The following DNAJB1 variants were observed in gnomAD, a reference collection of about 807,000 sequenced individuals.
The protein encoded by DNAJB1 is dnaJ homolog subfamily B member 1.
DNAJB1 carries 14 observed loss-of-function variants against 24.0 expected under a neutral mutation model. That is an observed-to-expected ratio of 0.58 (90% confidence interval 0.39 to 0.91). The LOEUF (loss-of-function observed/expected upper bound fraction) is 0.91, where lower values mean the gene tolerates loss of function less well. Ranked by LOEUF, DNAJB1 falls within the 40% of genes least tolerant of loss-of-function variation. The pLI is 0.00. For synonymous variants in DNAJB1, 262 were observed against 174.4 expected (o/e 1.50, Z -3.96); for missense variants, 517 against 458.1 (o/e 1.13, Z -1.17).
At chr19:14,522,344 G>A (rs2072369557), upstream of DNAJB1, among the ~76,000 whole-genome samples, 1 of 151,920 alleles carries the variant, frequency 6.6e-6, no homozygotes, top group African/African-American at 2.4e-5. Flanking sequence ...CTGAGGCCGG[G>A]TGTGGTGGGT....
In DNAJB1 at chr19:14,516,039, G is replaced by A. The variant is rs755798125; in HGVS notation, c.924C>T (p.Pro308=). The change falls in exon 3 of 3, where the codon CCC becomes CCT. Residue 308 remains proline, a synonymous_variant. Transcript: ENST00000254322. ...PGEGLPLPKT[P]EKRGDLIIEF... ...CAATAATGAGGTCCCCACGTTTCTCGGGTGTTTTGGGGAGGGGGAGGCCTT... is the reference window on the plus strand; with the variant it reads ...CAATAATGAGGTCCCCACGTTTCTCAGGTGTTTTGGGGAGGGGGAGGCCTT... 6.2e-6 allele frequency: 10 copies of A among 1,612,954 alleles called. No individual in the cohort carries two copies. The highest frequency in any genetic ancestry group is 7.6e-6 in the Non-Finnish European group (9 of 1,179,658).
intron 1 of DNAJB1, among the ~76,000 whole-genome samples, chr19:14,544,738 T>G (rs2073243908): frequency 6.6e-6 from 1 of 151,618 alleles, no homozygotes; most frequent in African/African-American, 2.4e-5. Context: ...GTTCAAGGGA[T>G]TCTTGTGCCC....
At chr19:14,517,612 C>T (rs1261737260) in intron 1 of DNAJB1, 1 of 154,812 alleles carries the variant, frequency 6.5e-6, no homozygotes, top group Non-Finnish European at 1.4e-5. Context: ...GCCCCGCTCT[C>T]CGGACCTGGG....
intron 2 of DNAJB1, among the ~76,000 whole-genome samples, chr19:14,524,275 T>C (rs1001674017): frequency 1.3e-5 from 2 of 152,052 alleles, no homozygotes; most frequent in East Asian, 3.9e-4. Flanking sequence ...ACATCTGTAA[T>C]CCCAGCACTT....
chr19:14,529,278 C>T (rs548364573), exon 1 of DNAJB1: 7 of 340,446 alleles, frequency 2.1e-5, no homozygotes, highest in South Asian at 1.9e-4. Flanking sequence ...AACTTCTTAC[C>T]CCGCCCCCGC....
chr19:14,537,975 ACCTCAGGTGATCCGCCCAACTTGG>A (rs1048923223), intron 1 of DNAJB1, among the ~76,000 whole-genome samples: 2 of 151,738 alleles, frequency 1.3e-5, no homozygotes, highest in Non-Finnish European at 2.9e-5. Context: ...GAAACTCTTG[ACCTCAGGTGATCCGCCCAACTTGG>A]CCTCCCAAAG....
chr19:14,518,298 C>A lies in DNAJB1; in HGVS notation c.52G>T (p.Glu18Ter), dbSNP rs768130288. Residue 18 changes from glutamate (E) to a stop codon, truncating the protein, a stop_gained, in exon 1 of 3, where the codon GAG becomes TAG. Transcript: ENST00000254322. LOFTEE classifies it high-confidence loss of function. ...TLGLARGASD[E>*]EIKRAYRRQA... ...CGGCGGTAGGCCCGCTTGATCTCCT[C>A]GTCCGACGCGCCGCGGGCCAGGCCC... The A allele has an allele frequency of 3.1e-6, 5 of 1,608,462 alleles. No homozygotes were observed. Among genetic ancestry groups the A allele is most frequent in the Non-Finnish European group, 3.4e-6 (4 of 1,178,856 alleles).
intron 1 of DNAJB1, among the ~76,000 whole-genome samples, chr19:14,543,740 A>G (rs1303442635): frequency 5.9e-5 from 8 of 136,400 alleles, no homozygotes; most frequent in Non-Finnish European, 1.2e-4. Context: ...GCCCGGCTAT[A>G]TATATATTTT....
chr19:14,528,653 AG>A (rs757054820), intron 1 of DNAJB1, among the ~76,000 whole-genome samples: 309 of 150,906 alleles, frequency 2.0e-3, no homozygotes, highest in Middle Eastern at 3.4e-3. Context: ...CAAAGTGTGG[AG>A]GGGGGCCGGG....
rs903410516 is a variant in DNAJB1, at chr19:14,559,855, C to A, written c.-2166+176G>T. ...AGTATGGAGAGGTCTCCTGCTCCCC[C>A]CAGAGCCTTTCAGTCCTCTCTCTAG... On this transcript the variant is annotated intron_variant, in intron 1 of 5. Transcript: ENST00000679223. Among the ~76,000 whole-genome samples the A allele has an allele frequency of 2.6e-5, 4 of 152,282 alleles. No individual in the cohort carries two copies. The South Asian group carries it at 8.3e-4, about 32-fold the overall frequency.
chr19:14,548,649 C>T (rs533040734), intron 1 of DNAJB1, among the ~76,000 whole-genome samples: 3 of 152,120 alleles, frequency 2.0e-5, no homozygotes, highest in Non-Finnish European at 1.5e-5. Flanking sequence ...GCGATCTCGA[C>T]TCACTGCAAC....
At chr19:14,543,075 A>G (rs973497451) in intron 1 of DNAJB1, among the ~76,000 whole-genome samples, 1 of 136,072 alleles carries the variant, frequency 7.3e-6, no homozygotes, top group Non-Finnish European at 1.6e-5. Context: ...GTGGGGTGCC[A>G]AGTTGGGGGT....
At chr19:14,546,481 C>T (rs893998120) in intron 1 of DNAJB1, among the ~76,000 whole-genome samples, 8 of 149,306 alleles carry the variant, frequency 5.4e-5, no homozygotes, top group Admixed American at 2.7e-4. Flanking sequence ...TGGCTACTTG[C>T]GAGGCTGAGG....
chr19:14,556,254 G>A (rs2073717579), intron 1 of DNAJB1, among the ~76,000 whole-genome samples: 1 of 152,046 alleles, frequency 6.6e-6, no homozygotes, highest in Non-Finnish European at 1.5e-5. Context: ...TGCCTGGACT[G>A]CACTGGTTCC....
At chr19:14,517,155 C>T (rs1373241581) in intron 1 of DNAJB1, 109 bp from the exon 2 acceptor site, 5 of 1,178,386 alleles carry the variant, frequency 4.2e-6, no homozygotes, top group South Asian at 1.6e-5. Context: ...ACTTTTTTGT[C>T]TGTCAGGGGA....
At chr19:14,554,407 C>T (rs1460147783), upstream of DNAJB1, among the ~76,000 whole-genome samples, 1 of 152,196 alleles carries the variant, frequency 6.6e-6, no homozygotes, top group African/African-American at 2.4e-5. Flanking sequence ...CGGGTCTGCC[C>T]CTCTTCTGGG....
At chr19:14,555,698 C>G (rs12981613) in intron 1 of DNAJB1, among the ~76,000 whole-genome samples, 8,874 of 152,148 alleles carry the variant, frequency 0.058, 346 homozygotes, top group Middle Eastern at 0.092. Context: ...ACCTCAGCCT[C>G]CCAAAGTGCT....
At chr19:14,532,015 A>G (rs1451975662), upstream of DNAJB1, 1 of 151,490 alleles carries the variant, frequency 6.6e-6, no homozygotes, top group Admixed American at 6.6e-5. Flanking sequence ...TGAAGAAAAA[A>G]AAAAAAAAAA....
chr19:14,521,537 C>T (rs142646402), upstream of DNAJB1, among the ~76,000 whole-genome samples: 23 of 152,044 alleles, frequency 1.5e-4, no homozygotes, highest in Admixed American at 4.6e-4. Flanking sequence ...AAAAACACTG[C>T]GGAAGGGATG....
Sources: gnomAD v4.1 joint callset for allele counts (sites outside exome capture counted in the v4.1 genomes callset) on GRCh38, gnomAD v4.1.1 for gene constraint, MANE v1.5 for transcripts, NCBI Gene and HGNC (gene_info 2026-07-23, HGNC 2026-07-21) for gene names.